IMMP2L: variants seen among roughly 807,000 people sequenced by gnomAD.
The protein encoded by IMMP2L is inner mitochondrial membrane peptidase subunit 2.
Under a neutral mutation model 19.3 loss-of-function variants are expected in IMMP2L, and 18 were observed. The ratio of observed to expected loss-of-function variants is 0.93; its 90% CI spans 0.64 to 1.38. The LOEUF (loss-of-function observed/expected upper bound fraction) is 1.38. IMMP2L is among the 40% of genes most tolerant of loss of function. The pLI, the probability that IMMP2L is intolerant of heterozygous loss-of-function variation, is 0.00. For missense variants in IMMP2L, 233 were observed against 218.2 expected, an observed-to-expected ratio of 1.07 and a Z score of -0.43; for synonymous variants, 76 against 73.0, an observed-to-expected ratio of 1.04 and a Z score of -0.21.
intron 4 of IMMP2L, among the ~76,000 whole-genome samples, chr7:110,896,395 T>C (rs1811324055): frequency 1.3e-5 from 2 of 152,202 alleles, no homozygotes; most frequent in South Asian, 2.1e-4. Flanking sequence ...GTGAATCATA[T>C]CATTATTCTA....
intron 3 of IMMP2L, among the ~76,000 whole-genome samples, chr7:111,071,356 T>G (rs957230800): frequency 6.6e-6 from 1 of 152,110 alleles, no homozygotes; most frequent in African/African-American, 2.4e-5. Context: ...AACATAGGAT[T>G]ACCATATAAG....
At chr7:110,686,827 C>G (rs1178394657) in intron 5 of IMMP2L, among the ~76,000 whole-genome samples, 1 of 152,080 alleles carries the variant, frequency 6.6e-6, no homozygotes, top group Non-Finnish European at 1.5e-5. Flanking sequence ...TTTTCCCCAA[C>G]TGCTATACAC....
At chr7:111,290,034 T>G (rs1468898317) in intron 3 of IMMP2L, among the ~76,000 whole-genome samples, 1 of 152,140 alleles carries the variant, frequency 6.6e-6, no homozygotes, top group African/African-American at 2.4e-5. Flanking sequence ...CTCACATTCT[T>G]ATTGCAAATT....
At chr7:111,288,622 C>G (rs868401566) in intron 3 of IMMP2L, among the ~76,000 whole-genome samples, 1 of 152,128 alleles carries the variant, frequency 6.6e-6, no homozygotes, top group Non-Finnish European at 1.5e-5. Flanking sequence ...TATGAACAGA[C>G]ACTTCTCAAA....
chr7:111,277,203 G>C (rs949027275), intron 3 of IMMP2L, among the ~76,000 whole-genome samples: 2 of 151,836 alleles, frequency 1.3e-5, no homozygotes, highest in African/African-American at 4.8e-5. Context: ...AAAAATATTT[G>C]CATTTGACAA....
At chr7:110,838,345 G>A (rs563386909) in intron 5 of IMMP2L, among the ~76,000 whole-genome samples, 4 of 152,108 alleles carry the variant, frequency 2.6e-5, no homozygotes, top group Admixed American at 1.3e-4. Context: ...TGTCCTTTGC[G>A]TTTCTTGTGA....
At chr7:110,943,996 T>C (rs1325301946) in intron 4 of IMMP2L, among the ~76,000 whole-genome samples, 22 of 151,990 alleles carry the variant, frequency 1.4e-4, no homozygotes, top group Non-Finnish European at 2.5e-4. Flanking sequence ...TGGTACTAAT[T>C]GGACTAAGTT....
intron 5 of IMMP2L, among the ~76,000 whole-genome samples, chr7:110,774,054 C>CAATACTATG (rs1799217801): frequency 6.6e-6 from 1 of 151,832 alleles, no homozygotes; most frequent in South Asian, 2.1e-4. Flanking sequence ...TTGTATCCAA[C>CAATACTATG]AATACTATGG....
chr7:110,905,371 T>G (rs1245518369), intron 4 of IMMP2L, among the ~76,000 whole-genome samples: 1 of 152,152 alleles, frequency 6.6e-6, no homozygotes, highest in African/African-American at 2.4e-5. Context: ...AAAATTAGAT[T>G]TTTGAAAACT....
intron 2 of IMMP2L, among the ~76,000 whole-genome samples, chr7:111,494,473 T>A (rs981373921): frequency 6.6e-6 from 1 of 152,174 alleles, no homozygotes; most frequent in Non-Finnish European, 1.5e-5. Context: ...ACAACTTGCA[T>A]TCTCACACTC....
intron 3 of IMMP2L, among the ~76,000 whole-genome samples, chr7:110,999,291 G>A (rs1227799137): frequency 7.0e-6 from 1 of 142,980 alleles, no homozygotes; most frequent in Non-Finnish European, 1.5e-5. Context: ...CTATTTTCTT[G>A]TTAATTTGTT....
At chr7:110,981,361 A>T (rs185246358) in intron 3 of IMMP2L, among the ~76,000 whole-genome samples, 6 of 152,258 alleles carry the variant, frequency 3.9e-5, no homozygotes, top group Non-Finnish European at 8.8e-5. Flanking sequence ...TTAGGTTTAT[A>T]CTGGGCAAAT....
At chr7:110,904,526 T>C (rs1048039417) in intron 4 of IMMP2L, among the ~76,000 whole-genome samples, 1 of 152,220 alleles carries the variant, frequency 6.6e-6, no homozygotes, top group Non-Finnish European at 1.5e-5. Flanking sequence ...CATTGTGTAT[T>C]CTTGGCATCC....
intron 3 of IMMP2L, among the ~76,000 whole-genome samples, chr7:111,300,986 T>G (rs1202012781): frequency 6.6e-6 from 1 of 152,166 alleles, no homozygotes; most frequent in Non-Finnish European, 1.5e-5. Flanking sequence ...GTATGGTAAT[T>G]GCATGTTTAG....
chr7:111,100,315 C>G (rs1797835485), intron 3 of IMMP2L, among the ~76,000 whole-genome samples: 1 of 150,820 alleles, frequency 6.6e-6, no homozygotes, highest in Non-Finnish European at 1.5e-5. Flanking sequence ...AAGCATTTGA[C>G]TTTTTATGCA....
intron 5 of IMMP2L, among the ~76,000 whole-genome samples, chr7:110,736,561 G>A (rs945015094): frequency 1.4e-4 from 22 of 152,226 alleles, no homozygotes; most frequent in South Asian, 2.1e-4. Flanking sequence ...TGAGCTTTGC[G>A]GACCCAACTT....
intron 5 of IMMP2L, among the ~76,000 whole-genome samples, chr7:110,692,924 T>G (rs1373282039): frequency 6.6e-6 from 1 of 152,156 alleles, no homozygotes; most frequent in East Asian, 1.9e-4. Flanking sequence ...CAGCCCAGTT[T>G]AAGAAGAGGG....
intron 3 of IMMP2L, among the ~76,000 whole-genome samples, chr7:111,156,860 T>C (rs1443439691): frequency 6.6e-6 from 1 of 151,978 alleles, no homozygotes. Flanking sequence ...AGGAGGTTTT[T>C]ATTTATAGAG....
intron 3 of IMMP2L, among the ~76,000 whole-genome samples, chr7:111,164,364 A>G (rs984241420): frequency 4.6e-5 from 7 of 150,874 alleles, no homozygotes; most frequent in African/African-American, 1.5e-4. Flanking sequence ...CAGCAGAGGG[A>G]GTCCTGTCAC....
Sources: allele counts gnomAD v4.1 joint callset (sites outside exome capture counted in the v4.1 genomes callset), GRCh38; gene constraint gnomAD v4.1.1; transcripts MANE v1.5; gene names NCBI Gene and HGNC (gene_info 2026-07-23, HGNC 2026-07-21).